Variants in MPP7 observed in about 807,000 individuals in gnomAD.
MPP7 encodes the protein MAGUK p55 scaffold protein 7.
In MPP7, 60 loss-of-function variants were observed where a neutral mutation model predicts 76.5. The ratio of observed to expected loss-of-function variants is 0.78; its 90% CI spans 0.64 to 0.97. MPP7 has a LOEUF of 0.97. MPP7 is among the 50% of genes least tolerant of loss of function. MPP7 has a pLI of 0.00. For missense variants in MPP7, 641 were observed against 694.0 expected (o/e 0.92, Z 0.86); for synonymous variants, 237 against 244.5 (o/e 0.97, Z 0.29).
intron 12 of MPP7, among the ~76,000 whole-genome samples, chr10:28,074,348 A>C (rs1388624297): frequency 1.3e-5 from 2 of 151,416 alleles, no homozygotes; most frequent in Non-Finnish European, 2.9e-5. Flanking sequence ...CCCAGGCTGG[A>C]GTACAATGGC....
chr10:28,197,830 C>T (rs1837638152), intron 3 of MPP7, among the ~76,000 whole-genome samples: 1 of 152,036 alleles, frequency 6.6e-6, no homozygotes, highest in African/African-American at 2.4e-5. Flanking sequence ...CCCCATTTAC[C>T]CTGATGTGAT....
In MPP7 at chr10:28,054,000, C is replaced by T. The variant is rs1438006457; in HGVS notation, c.*65G>A. The T allele has an allele frequency of 7.8e-7, 1 of 1,278,804 alleles. No homozygotes were observed. Among genetic ancestry groups the T allele is most frequent in the East Asian group, 2.3e-5 (1 of 43,368 alleles). The allele number at this position is 1,278,804 out of a possible 1,614,324, so 79.2% of individuals were successfully genotyped here. ...TGATATAGATTTAAAAACCCTACTA[C>T]CAAAACTGTAATTGATTTCATCATG... On this transcript the variant is annotated 3_prime_UTR_variant, in exon 17 of 17. Coordinates refer to ENST00000683449, the MANE Select transcript of MPP7 (RefSeq NM_001318170.2).
At chr10:28,179,508 A>C (rs1157270455) in intron 3 of MPP7, among the ~76,000 whole-genome samples, 2 of 152,226 alleles carry the variant, frequency 1.3e-5, no homozygotes, top group Non-Finnish European at 2.9e-5. Context: ...TTTCTTGGAA[A>C]TATCATACAT....
At chr10:28,096,481 T>C (rs1853575564) in intron 11 of MPP7, among the ~76,000 whole-genome samples, 1 of 152,198 alleles carries the variant, frequency 6.6e-6, no homozygotes, top group African/African-American at 2.4e-5. Context: ...TTTGATCACT[T>C]TTGGAGTAGA....
At chr10:28,147,596 T>C in intron 4 of MPP7, 33 bp from the exon 5 acceptor site, 1 of 1,587,420 alleles carries the variant, frequency 6.3e-7, no homozygotes, top group Non-Finnish European at 8.7e-7. Context: ...TTAAAGAACA[T>C]TTAGTAAGAG....
At chr10:28,094,558 T>A (rs2490060) in intron 11 of MPP7, among the ~76,000 whole-genome samples, 61,081 of 151,988 alleles carry the variant, frequency 0.4, 15,411 homozygotes, top group Non-Finnish European at 0.57. Flanking sequence ...CTGCAATGCC[T>A]CCAACTACTT....
chr10:28,150,101 A>C (rs1835834490), intron 3 of MPP7, 42 bp from the exon 4 acceptor site: 1 of 1,364,432 alleles, frequency 7.3e-7, no homozygotes, highest in East Asian at 2.3e-5. Context: ...CTGCTAGCAA[A>C]CAATCTCAGA....
intron 1 of MPP7, among the ~76,000 whole-genome samples, chr10:28,280,319 T>C (rs1840631352): frequency 6.6e-6 from 1 of 151,998 alleles, no homozygotes. Context: ...TGTTTGCAAA[T>C]AACCTGTGCA....
intron 2 of MPP7, among the ~76,000 whole-genome samples, chr10:28,217,537 A>AAAAAG (rs3064105): frequency 0.37 from 51,124 of 137,362 alleles, 10,494 homozygotes; most frequent in East Asian, 0.77. Context: ...AAAAAAAAAA[A>AAAAAG]AAAAGAAAAG....
intron 1 of MPP7, among the ~76,000 whole-genome samples, chr10:28,270,293 C>CT (rs919880317): frequency 6.6e-6 from 1 of 152,146 alleles, no homozygotes; most frequent in Non-Finnish European, 1.5e-5. Context: ...TGGTTCTCCT[C>CT]TAATGCCTAA....
At chr10:28,203,496 T>TAAAAAA (rs72465209) in intron 2 of MPP7, among the ~76,000 whole-genome samples, 46 of 129,886 alleles carry the variant, frequency 3.5e-4, no homozygotes, top group African/African-American at 1.1e-3. Context: ...AAACAGTCTT[T>TAAAAAA]AAAAAAAAAA....
chr10:28,083,028 A>G (rs979246911), intron 12 of MPP7, among the ~76,000 whole-genome samples: 1 of 152,216 alleles, frequency 6.6e-6, no homozygotes, highest in Non-Finnish European at 1.5e-5. Flanking sequence ...CAGATGAATA[A>G]CTGAAGCCCA....
chr10:28,165,349 C>T (rs1212316212), intron 3 of MPP7, among the ~76,000 whole-genome samples: 1 of 152,010 alleles, frequency 6.6e-6, no homozygotes, highest in Admixed American at 6.6e-5. Flanking sequence ...GAGTGAGAAT[C>T]CTATCCCTAT....
chr10:28,196,480 GA>G (rs35571821), intron 3 of MPP7, among the ~76,000 whole-genome samples: 126,770 of 131,522 alleles, frequency 0.96, 61,103 homozygotes, highest in South Asian at 0.99. Context: ...ACTCCATCTC[GA>G]AAAAAAAAAA....
chr10:28,089,937 A>G, intron 11 of MPP7, 96 bp from the exon 12 acceptor site: 1 of 703,718 alleles, frequency 1.4e-6, no homozygotes, highest in Non-Finnish European at 2.3e-6. Context: ...GATTTTATTT[A>G]CCATAATATT....
chr10:28,206,194 T>G (rs1176385589), intron 2 of MPP7, among the ~76,000 whole-genome samples: 1 of 152,218 alleles, frequency 6.6e-6, no homozygotes, highest in Admixed American at 6.5e-5. Flanking sequence ...AGTTCTCATA[T>G]TCAGGGTACT....
At chr10:28,161,229 T>C (rs1364668164) in intron 3 of MPP7, among the ~76,000 whole-genome samples, 1 of 152,166 alleles carries the variant, frequency 6.6e-6, no homozygotes, top group African/African-American at 2.4e-5. Context: ...TCTATATTGC[T>C]GCTTTGTATA....
At chr10:28,129,454 C>T (rs1383279375) in intron 6 of MPP7, among the ~76,000 whole-genome samples, 1 of 151,906 alleles carries the variant, frequency 6.6e-6, no homozygotes, top group Non-Finnish European at 1.5e-5. Flanking sequence ...GGACTGCTTA[C>T]TGGGTTATCA....
chr10:28,202,220 T>C lies in MPP7; in HGVS notation c.89A>G (p.Asp30Gly). The change falls in exon 3 of 17, where the codon GAT becomes GGT. Residue 30 changes from aspartate (D) to glycine (G), a missense_variant. Transcript: ENST00000683449. ...GAGGAAGGTCAGGTCTTCCTGGCTA[T>C]CCACATGTGGCTGCAGCTGGGCTGG... ...ALPAQLQPHV[D>G]SQEDLTFLWD... The C allele has an allele frequency of 6.2e-7, 1 of 1,613,884 alleles. No individual in the cohort carries two copies. Among genetic ancestry groups the C allele is most frequent in the South Asian group, 1.1e-5 (1 of 91,070 alleles).
Sources: gnomAD v4.1 joint callset for allele counts (sites outside exome capture counted in the v4.1 genomes callset) on GRCh38, gnomAD v4.1.1 for gene constraint, MANE v1.5 for transcripts, NCBI Gene and HGNC (gene_info 2026-07-23, HGNC 2026-07-21) for gene names.